PCDHAC2: variants seen among roughly 807,000 people sequenced by gnomAD.
The protein encoded by PCDHAC2 is protocadherin alpha subfamily C, 2, also known as protocadherin alpha-C2.
A neutral mutation model predicts 63.3 loss-of-function variants in PCDHAC2; 24 were observed. The observed-to-expected ratio is 0.38, with a 90% CI of 0.27 to 0.53. The LOEUF (loss-of-function observed/expected upper bound fraction) is 0.53, where lower values mean the gene tolerates loss of function less well. PCDHAC2 is among the 20% of genes least tolerant of loss of function. The pLI, the probability that PCDHAC2 is intolerant of heterozygous loss-of-function variation, is 0.81. For synonymous variants in PCDHAC2, 569 were observed against 529.4 expected (o/e 1.07, Z -1.03); for missense variants, 1,181 against 1,275.2 (o/e 0.93, Z 1.12).
chr5:140,967,885 A>G lies in PCDHAC2; in HGVS notation c.1119A>G (p.Pro373=). 6.2e-7 allele frequency: 1 copy of G among 1,614,134 alleles called. No homozygotes were observed. The highest frequency in any genetic ancestry group is 1.1e-5 in the South Asian group (1 of 91,086). The change falls in exon 1 of 4, where the codon CCA becomes CCG. Residue 373 remains proline, a synonymous_variant. Transcript: ENST00000289269. ...TGGTGCTCACGGACCTGTATAGCCC[A>G]GTGCCTGAGAATGCTACACCCAACA... ...PEVVLTDLYS[P]VPENATPNTI...
intron 3 of PCDHAC2, among the ~76,000 whole-genome samples, chr5:140,994,802 C>T (rs541054161): frequency 7.9e-5 from 12 of 152,066 alleles, no homozygotes; most frequent in Non-Finnish European, 1.6e-4. Flanking sequence ...CATGCAAAAA[C>T]AAAATACAAA....
intron 3 of PCDHAC2, among the ~76,000 whole-genome samples, chr5:140,995,888 T>C (rs1307052037): frequency 3.3e-5 from 5 of 152,216 alleles, no homozygotes; most frequent in Non-Finnish European, 5.9e-5. Flanking sequence ...GCTTCAGATT[T>C]ATCAATGTAT....
chr5:141,000,593 A>G (rs1021263998), intron 3 of PCDHAC2, among the ~76,000 whole-genome samples: 3 of 150,498 alleles, frequency 2.0e-5, no homozygotes, highest in African/African-American at 4.9e-5. Flanking sequence ...ATGCCCAGCT[A>G]ATTTTTGTAT....
Position 140,967,283 on chromosome 5 carries a change from C to G in PCDHAC2, c.517C>G (p.Gln173Glu), listed in dbSNP as rs782468433. The G allele has an allele frequency of 1.7e-5, 27 of 1,613,040 alleles. No homozygotes were observed. The Admixed American group carries it at 3.7e-4, about 22-fold the overall frequency. ...AGCGCGCTTTCACATAGAGAGTGCG[C>G]AGGACCCCGACGTGGGCGCCAACTC... ...PGARFHIESAQDPDVGANSVQ... is the reference protein window; with the variant it reads ...PGARFHIESAEDPDVGANSVQ... The change falls in exon 1 of 4, where the codon CAG (glutamine) becomes GAG (glutamate). Residue 173 changes from glutamine (Q) to glutamate (E), a missense_variant. By Grantham distance (29) the Gln-to-Glu change is conservative. This residue lies in a region of PCDHAC2 where 968 missense variants were observed against 1,073.5 expected (regional missense o/e 0.90). Transcript: ENST00000289269.
At chr5:140,993,123 C>G (rs925185301) in intron 3 of PCDHAC2, among the ~76,000 whole-genome samples, 1 of 152,180 alleles carries the variant, frequency 6.6e-6, no homozygotes, top group African/African-American at 2.4e-5. Context: ...ACATCAATTT[C>G]CTTCTGTTGC....
At chr5:140,971,487 C>T (rs1285006281) in intron 1 of PCDHAC2, among the ~76,000 whole-genome samples, 1 of 152,110 alleles carries the variant, frequency 6.6e-6, no homozygotes, top group African/African-American at 2.4e-5. Flanking sequence ...CACATTGTTA[C>T]AGTGTGGCAA....
chr5:140,972,469 C>G (rs782470724), intron 1 of PCDHAC2, among the ~76,000 whole-genome samples: 6 of 152,054 alleles, frequency 3.9e-5, no homozygotes, highest in Admixed American at 3.9e-4. Context: ...TATTAAACAT[C>G]AGCATTTAAC....
chr5:140,967,887 T>G lies in PCDHAC2; in HGVS notation c.1121T>G (p.Val374Gly). The G allele has an allele frequency of 6.2e-7, 1 of 1,614,078 alleles. No individual in the cohort carries two copies. Among genetic ancestry groups the G allele is most frequent in the Non-Finnish European group, 8.5e-7 (1 of 1,180,004 alleles). ...GTGCTCACGGACCTGTATAGCCCAG[T>G]GCCTGAGAATGCTACACCCAACACC... The part of the protein sequence containing the change: ...EVVLTDLYSP[V>G]PENATPNTIV... Residue 374 changes from valine to glycine, a missense_variant, in exon 1 of 4, where the codon GTG becomes GGG. By Grantham distance (109) the Val-to-Gly change is moderately radical. Coordinates refer to ENST00000289269, the MANE Select transcript of PCDHAC2 (RefSeq NM_018899.6).
rs782169362 is a variant in PCDHAC2, at chr5:140,979,015, T to G, written c.2624+8T>G. Reference sequence around the variant, plus strand: ...GAGAGCAGGCATGCACAGGTATGTATTTCCCTCCTCATTCACTCAGAAGTA... The same window carrying G: ...GAGAGCAGGCATGCACAGGTATGTAGTTCCCTCCTCATTCACTCAGAAGTA... On this transcript the variant is annotated splice_region_variant and intron_variant, in intron 2 of 3. Transcript: ENST00000289269. 3 of 1,613,920 alleles carry G rather than the reference T, an allele frequency of 1.9e-6. No individual in the cohort carries two copies. The highest frequency in any genetic ancestry group is 2.5e-6 in the Non-Finnish European group (3 of 1,179,908).
chr5:140,987,244 A>T (rs1184597193), intron 3 of PCDHAC2, among the ~76,000 whole-genome samples: 1 of 152,018 alleles, frequency 6.6e-6, no homozygotes, highest in Non-Finnish European at 1.5e-5. Context: ...ATAAAGAAAG[A>T]AAGACATTCT....
At chr5:140,991,180 C>T (rs2097436577) in intron 3 of PCDHAC2, among the ~76,000 whole-genome samples, 1 of 152,160 alleles carries the variant, frequency 6.6e-6, no homozygotes. Context: ...AAGCAGGATG[C>T]CTAGCACACA....
rs781892034 is a variant in PCDHAC2, at chr5:140,968,314, G to A, written c.1548G>A (p.Leu516=). ...YSLLEREIQG[L]PVTSYVSINS... is the part of the protein sequence containing the mutation. ...TTCTGGAGAGGGAGATTCAAGGGCT[G>A]CCAGTCACCTCCTATGTCTCCATTA... The change falls in exon 1 of 4, where the codon CTG becomes CTA. Residue 516 remains leucine, a synonymous_variant. Transcript: ENST00000289269. The A allele has an allele frequency of 2.5e-6, 4 of 1,613,960 alleles. No individual in the cohort carries two copies. The South Asian group carries it at 4.4e-5, about 18-fold the overall frequency.
rs2153750258 is a variant in PCDHAC2, at chr5:140,967,025, C to G, written c.259C>G (p.Pro87Ala). 6.2e-7 allele frequency: 1 copy of G among 1,608,362 alleles called. No homozygotes were observed. The highest frequency in any genetic ancestry group is 1.7e-4 in the Middle Eastern group (1 of 5,940). Residue 87 changes from proline (P) to alanine (A), a missense_variant, in exon 1 of 4, where the codon CCG becomes GCG. By Grantham distance (27) the Pro-to-Ala change is conservative. This residue lies in a region of PCDHAC2 where 210 missense variants were observed against 184.9 expected (regional missense o/e 1.14). Coordinates refer to ENST00000289269, the MANE Select transcript of PCDHAC2 (RefSeq NM_018899.6). The part of the protein sequence containing the change: ...LRINHLGAPS[P>A]RYLELDLTSG... Reference sequence around the variant, plus strand: ...CATCAACCATCTGGGTGCGCCCAGTCCGCGCTACCTGGAGCTGGACCTGAC... The same window carrying G: ...CATCAACCATCTGGGTGCGCCCAGTGCGCGCTACCTGGAGCTGGACCTGAC...
At chr5:140,975,675 T>C (rs1047804393) in intron 1 of PCDHAC2, among the ~76,000 whole-genome samples, 3 of 152,240 alleles carry the variant, frequency 2.0e-5, no homozygotes, top group Non-Finnish European at 2.9e-5. Context: ...AGTTTATTAA[T>C]AAAATAGGGT....
rs2096135950 is a variant in PCDHAC2 at position 140,967,390 on chromosome 5, G to A, written c.624G>A (p.Glu208=). Residue 208 remains glutamate, a synonymous_variant, in exon 1 of 4, where the codon GAG becomes GAA. Transcript: ENST00000289269. ...KPLQENSKVL[E]LVLRKGLDRE... The stretch of plus-strand genomic sequence containing the variant: ...TGCAGGAGAACAGTAAAGTGCTTGA[G>A]CTGGTGCTGCGTAAGGGCCTAGACC... 1.2e-6 allele frequency: 2 copies of A among 1,609,752 alleles called. No individual in the cohort carries two copies. The highest frequency in any genetic ancestry group is 1.3e-5 in the African/African-American group (1 of 74,868).
intron 1 of PCDHAC2, among the ~76,000 whole-genome samples, chr5:140,971,186 G>T (rs1052745272): frequency 1.8e-4 from 28 of 152,258 alleles, no homozygotes; most frequent in African/African-American, 6.7e-4. Context: ...TAAGCCGGAA[G>T]CTCAGAGGAA....
In PCDHAC2 at chr5:140,967,019, C is replaced by T. The variant is rs887648506; in HGVS notation, c.253C>T (p.Pro85Ser). The change falls in exon 1 of 4, where the codon CCC becomes TCC. Residue 85 changes from proline to serine, a missense_variant. This residue lies in a region of PCDHAC2 where 210 missense variants were observed against 184.9 expected (regional missense o/e 1.14). Coordinates refer to ENST00000289269, the MANE Select transcript of PCDHAC2 (RefSeq NM_018899.6). ...GCLRINHLGA[P>S]SPRYLELDLT... Reference sequence around the variant, plus strand: ...CTTGCGCATCAACCATCTGGGTGCGCCCAGTCCGCGCTACCTGGAGCTGGA... The same window carrying T: ...CTTGCGCATCAACCATCTGGGTGCGTCCAGTCCGCGCTACCTGGAGCTGGA... The T allele has an allele frequency of 6.2e-7, 1 of 1,607,542 alleles. No homozygotes were observed. The highest frequency in any genetic ancestry group is 8.5e-7 in the Non-Finnish European group (1 of 1,177,744).
rs1586199202 is a variant in PCDHAC2 at position 140,967,227 on chromosome 5, A to G, written c.461A>G (p.Gln154Arg). 2 of 1,613,742 alleles carry G rather than the reference A, an allele frequency of 1.2e-6. No homozygotes were observed. Among genetic ancestry groups the G allele is most frequent in the Admixed American group, 1.7e-5 (1 of 60,036 alleles). ...CCGCGTTTCCCGCGGCCCAACTACC[A>G]GCTTCAGGTAAGCGAATCGGTGGCG... ...NSPRFPRPNY[Q>R]LQVSESVAPG... Residue 154 changes from glutamine (Q) to arginine (R), a missense_variant, in exon 1 of 4, where the codon CAG (glutamine) becomes CGG (arginine). By Grantham distance (43) the Gln-to-Arg change is conservative. Around this residue, in one of 3 missense-constraint regions of PCDHAC2, gnomAD observed 968 missense variants for 1,073.5 expected, o/e 0.90. Coordinates refer to ENST00000289269, the MANE Select transcript of PCDHAC2 (RefSeq NM_018899.6).
In PCDHAC2 at chr5:140,967,342, C is replaced by G. The variant is rs149890293; in HGVS notation, c.576C>G (p.His192Gln). The change falls in exon 1 of 4, where the codon CAC becomes CAG. Residue 192 changes from histidine to glutamine, a missense_variant. His to Gln is a conservative substitution (Grantham distance 24). This residue lies in a region of PCDHAC2 where 968 missense variants were observed against 1,073.5 expected (regional missense o/e 0.90). Coordinates refer to ENST00000289269, the MANE Select transcript of PCDHAC2 (RefSeq NM_018899.6). ...CCTACGAGCTCAGCCCCAGCGAGCACTTCGAGCTGGACCTTAAGCCCCTGC... is the reference window on the plus strand; with the variant it reads ...CCTACGAGCTCAGCCCCAGCGAGCAGTTCGAGCTGGACCTTAAGCCCCTGC... Reference protein sequence around the residue: ...VQTYELSPSEHFELDLKPLQE... With the variant: ...VQTYELSPSEQFELDLKPLQE... The G allele has an allele frequency of 1.9e-6, 3 of 1,607,992 alleles. No individual in the cohort carries two copies. In the African/African-American group the frequency reaches 4.0e-5, roughly 22 times the overall value.
Sources: gnomAD v4.1 joint callset for allele counts (sites outside exome capture counted in the v4.1 genomes callset) on GRCh38, gnomAD v4.1.1 for gene constraint, gnomAD v4.1.1 regional missense constraint, MANE v1.5 for transcripts, NCBI Gene and HGNC (gene_info 2026-07-23, HGNC 2026-07-21) for gene names.